The following FAT3 variants were observed in gnomAD, a reference collection of about 807,000 sequenced individuals.
FAT3 encodes the protein FAT atypical cadherin 3, also known as protocadherin Fat 3.
In FAT3, 95 loss-of-function variants were observed where a neutral mutation model predicts 310.2. The observed-to-expected ratio is 0.31, with a 90% confidence interval of 0.26 to 0.36. The LOEUF is 0.36. FAT3 is among the 10% of genes least tolerant of loss of function. The probability of loss-of-function intolerance (pLI) is 1.00; values close to 1 mark genes in which losing one functional copy is unlikely to be tolerated. For synonymous variants in FAT3, 2,314 were observed against 2,192.9 expected, an observed-to-expected ratio of 1.06 and a Z score of -1.54; for missense variants, 5,408 against 5,715.6, an observed-to-expected ratio of 0.95 and a Z score of 1.74.
At chr11:92,355,533 G>A (rs148137554) in intron 2 of FAT3, 129 bp downstream of exon 2, 127 of 810,808 alleles carry the variant, frequency 1.6e-4, no homozygotes, top group Non-Finnish European at 1.9e-4. Context: ...CAGAGACGAC[G>A]CACATAGATG....
At chr11:92,562,315 T>G (rs912691260) in intron 3 of FAT3, among the ~76,000 whole-genome samples, 4 of 152,184 alleles carry the variant, frequency 2.6e-5, no homozygotes, top group African/African-American at 9.7e-5. Context: ...CTATCCTATC[T>G]TCTCTCTCTC....
intron 21 of FAT3, among the ~76,000 whole-genome samples, chr11:92,865,492 C>A (rs934497339): frequency 5.9e-5 from 9 of 152,136 alleles, no homozygotes; most frequent in Non-Finnish European, 8.8e-5. Flanking sequence ...CTATGAATGC[C>A]AACAGACTAG....
intron 1 of FAT3, among the ~76,000 whole-genome samples, chr11:92,315,541 A>AGAGAGAGAGAGAGT: frequency 6.8e-6 from 1 of 146,050 alleles, no homozygotes; most frequent in South Asian, 2.2e-4. Context: ...AGAGAGAGAG[A>AGAGAGAGAGAGAGT]GAGAGAGAGA....
chr11:92,396,855 C>A (rs575565159), intron 2 of FAT3, among the ~76,000 whole-genome samples: 1 of 152,174 alleles, frequency 6.6e-6, no homozygotes, highest in Admixed American at 6.5e-5. Context: ...TACAGGCACC[C>A]ACCACCACAC....
chr11:92,489,833 G>T (rs1565356479), intron 2 of FAT3, among the ~76,000 whole-genome samples: 1 of 151,326 alleles, frequency 6.6e-6, no homozygotes, highest in Admixed American at 6.6e-5. Context: ...AAGTAGCTCA[G>T]TTCCATTCTT....
chr11:92,437,248 G>T (rs1950959520), intron 2 of FAT3, among the ~76,000 whole-genome samples: 1 of 152,150 alleles, frequency 6.6e-6, no homozygotes, highest in East Asian at 1.9e-4. Context: ...ACATCTTGTG[G>T]AATATCAGAG....
Position 92,354,727 on chromosome 11 carries a change from C to G in FAT3, c.2615C>G (p.Thr872Arg). The G allele has an allele frequency of 1.9e-6, 3 of 1,613,900 alleles. No homozygotes were observed. Among genetic ancestry groups the G allele is most frequent in the Non-Finnish European group, 2.5e-6 (3 of 1,179,864 alleles). Residue 872 changes from threonine (T) to arginine (R), a missense_variant, in exon 2 of 28, where the codon ACA becomes AGA. Thr to Arg is a moderately conservative substitution (Grantham distance 71). This residue lies in a region of FAT3 where 4,588 missense variants were observed against 4,809.8 expected (regional missense o/e 0.95). Transcript: ENST00000525166. Reference protein sequence around the residue: ...SNGEVTYSVLTDTQQFAINSS... With the variant: ...SNGEVTYSVLRDTQQFAINSS... ...GGTGAAGTGACTTACTCAGTCTTGA[C>G]AGATACACAGCAGTTTGCCATCAAT...
chr11:92,568,666 A>T (rs1390615506), intron 3 of FAT3, among the ~76,000 whole-genome samples: 1 of 152,156 alleles, frequency 6.6e-6, no homozygotes, highest in Non-Finnish European at 1.5e-5. Context: ...GGCATGCAAG[A>T]TATTCACTCT....
intron 22 of FAT3, among the ~76,000 whole-genome samples, chr11:92,877,400 C>T (rs960062706): frequency 9.2e-5 from 14 of 152,168 alleles, no homozygotes; most frequent in African/African-American, 2.7e-4. Flanking sequence ...AATGCTGTGA[C>T]GAGGCCTGCA....
intron 22 of FAT3, among the ~76,000 whole-genome samples, chr11:92,872,377 T>C (rs889680577): frequency 1.3e-5 from 2 of 152,196 alleles, no homozygotes; most frequent in Admixed American, 6.5e-5. Flanking sequence ...TGAACAGGGT[T>C]CCCCTACATG....
At chr11:92,228,747 G>T (rs569767450) in intron 1 of FAT3, among the ~76,000 whole-genome samples, 1 of 152,326 alleles carries the variant, frequency 6.6e-6, no homozygotes, top group Non-Finnish European at 1.5e-5. Context: ...GTGGCATTGG[G>T]GTATGGCATT....
At chr11:92,755,810 G>T (rs1945976788) in intron 4 of FAT3, among the ~76,000 whole-genome samples, 1 of 152,178 alleles carries the variant, frequency 6.6e-6, no homozygotes, top group Non-Finnish European at 1.5e-5. Flanking sequence ...TATTACAGAG[G>T]ATTTAGGTCA....
At chr11:92,651,768 G>A (rs556965062) in intron 3 of FAT3, among the ~76,000 whole-genome samples, 64 of 152,230 alleles carry the variant, frequency 4.2e-4, no homozygotes, top group Non-Finnish European at 7.1e-4. Flanking sequence ...TAGGGAATGC[G>A]AATCCACCAG....
At chr11:92,675,528 T>G (rs964266271) in intron 3 of FAT3, among the ~76,000 whole-genome samples, 2 of 152,204 alleles carry the variant, frequency 1.3e-5, no homozygotes, top group African/African-American at 4.8e-5. Context: ...GATAACAGTC[T>G]TTATTGCCTG....
At chr11:92,780,163 C>CTTT (rs34340740) in intron 7 of FAT3, among the ~76,000 whole-genome samples, 4 of 134,692 alleles carry the variant, frequency 3.0e-5, no homozygotes, top group African/African-American at 1.1e-4. Flanking sequence ...TTTTTTTTTT[C>CTTT]TTTTTTTTTT....
chr11:92,743,418 T>G (rs1945563510), intron 4 of FAT3, among the ~76,000 whole-genome samples: 2 of 152,182 alleles, frequency 1.3e-5, no homozygotes, highest in East Asian at 3.8e-4. Flanking sequence ...TGAAGAGAGA[T>G]GCAATGGTTT....
intron 1 of FAT3, among the ~76,000 whole-genome samples, chr11:92,289,307 G>T (rs1443833913): frequency 6.6e-6 from 1 of 151,958 alleles, no homozygotes; most frequent in Admixed American, 6.6e-5. Flanking sequence ...GTACACTTAT[G>T]CTCCAGAGCC....
Position 92,875,521 on chromosome 11 carries a change from C to T in FAT3, c.12128-5210C>T, listed in dbSNP as rs11020085. Among the ~76,000 whole-genome samples, 486 of 151,372 alleles carry T rather than the reference C, an allele frequency of 3.2e-3. 4 individuals carry two copies. The highest frequency in any genetic ancestry group is 0.01 in the Middle Eastern group (3 of 294). ...AAATGGAGTTTTTCTGTCTTTGTAT[C>T]CCCAGTGCTTGCCACAGTCCCTATT... On this transcript the variant is annotated intron_variant, in intron 22 of 27. Transcript: ENST00000525166.
intron 2 of FAT3, among the ~76,000 whole-genome samples, chr11:92,380,211 G>T (rs1226479160): frequency 6.6e-6 from 1 of 152,060 alleles, no homozygotes; most frequent in Non-Finnish European, 1.5e-5. Flanking sequence ...ATGACTGAGT[G>T]TCTCCCACCT....
Sources: gnomAD v4.1 joint callset for allele counts (sites outside exome capture counted in the v4.1 genomes callset) on GRCh38, gnomAD v4.1.1 for gene constraint, gnomAD v4.1.1 regional missense constraint, MANE v1.5 for transcripts, NCBI Gene and HGNC (gene_info 2026-07-23, HGNC 2026-07-21) for gene names.